The following HMCES variants were observed in gnomAD, a reference collection of about 807,000 sequenced individuals.
HMCES encodes abasic site processing protein HMCES.
HMCES carries 27 observed loss-of-function variants against 35.1 expected under a neutral mutation model. The ratio of observed to expected loss-of-function variants is 0.77; its 90% confidence interval spans 0.57 to 1.06. HMCES has a LOEUF of 1.06. Among genes scored for constraint, HMCES ranks in the 50% least tolerant of loss-of-function variants. The probability of loss-of-function intolerance (pLI) is 0.00; values close to 1 mark genes in which losing one functional copy is unlikely to be tolerated. For missense variants in HMCES, 391 were observed against 430.4 expected, an observed-to-expected ratio of 0.91 and a Z score of 0.81; for synonymous variants, 130 against 154.7, an observed-to-expected ratio of 0.84 and a Z score of 1.18.
intron 4 of HMCES, among the ~76,000 whole-genome samples, chr3:129,294,150 G>A (rs917457040): frequency 1.3e-5 from 2 of 152,062 alleles, no homozygotes; most frequent in Non-Finnish European, 2.9e-5. Flanking sequence ...CGGGCGCAGT[G>A]GCTTACAACT....
At chr3:129,288,515 C>T (rs368784803) in intron 2 of HMCES, among the ~76,000 whole-genome samples, 2 of 151,638 alleles carry the variant, frequency 1.3e-5, no homozygotes, top group Admixed American at 6.6e-5. Context: ...GGCAACATAG[C>T]GAAACCCCAT....
At chr3:129,297,518 C>T (rs952693983) in intron 4 of HMCES, among the ~76,000 whole-genome samples, 3 of 152,090 alleles carry the variant, frequency 2.0e-5, no homozygotes, top group African/African-American at 4.8e-5. Context: ...TTCCTCCAGG[C>T]TCCTGCCCTG....
Position 129,279,612 on chromosome 3 carries a change from A to T in HMCES, c.-23-98A>T. 1 of 1,217,342 alleles carries T rather than the reference A, an allele frequency of 8.2e-7. No individual in the cohort carries two copies. The highest frequency in any genetic ancestry group is 1.4e-5 in the South Asian group (1 of 73,076). The allele number at this position is 1,217,342 out of a possible 1,614,324, so 75.4% of individuals were successfully genotyped here. The stretch of plus-strand genomic sequence containing the variant: ...CTTTAGACGGTGGTCACGGAGGGGC[A>T]CGGCCCTGTGGGAACGGAAAGAGAA... On this transcript the variant is annotated intron_variant, in intron 1 of 6. Coordinates refer to ENST00000383463, the MANE Select transcript of HMCES (RefSeq NM_020187.3). The surrounding 1 kb of genome is among the most constrained non-coding windows in gnomAD (Gnocchi z 4.2).
chr3:129,300,417 G>C (rs563820448), intron 5 of HMCES, among the ~76,000 whole-genome samples: 1 of 152,092 alleles, frequency 6.6e-6, no homozygotes, highest in African/African-American at 2.4e-5. Context: ...AGTGGCATTG[G>C]AACAGATTTG....
At chr3:129,298,255 A>C in intron 4 of HMCES, 99 bp from the exon 5 acceptor site, 1 of 1,121,072 alleles carries the variant, frequency 8.9e-7, no homozygotes, top group Non-Finnish European at 1.3e-6. Flanking sequence ...AATTACTTTT[A>C]AAATGATTTC....
At chr3:129,290,890 TTTTA>T in intron 4 of HMCES, 86 bp downstream of exon 4, 6 of 1,329,320 alleles carry the variant, frequency 4.5e-6, no homozygotes, top group East Asian at 2.5e-5. Context: ...TTCCCCATAG[TTTTA>T]TTTATTTATT....
intron 4 of HMCES, among the ~76,000 whole-genome samples, chr3:129,293,583 T>A (rs1176477716): frequency 6.9e-6 from 1 of 145,736 alleles, no homozygotes; most frequent in Non-Finnish European, 1.5e-5. Context: ...TTTTTTTTTT[T>A]TTTTGAGACA....
chr3:129,287,234 T>G (rs1940662921), intron 2 of HMCES, among the ~76,000 whole-genome samples: 1 of 151,984 alleles, frequency 6.6e-6, no homozygotes, highest in African/African-American at 2.4e-5. Context: ...TTTGTTTTGT[T>G]TTTTTTGAGA....
At chr3:129,303,982 C>T (rs1431124490) in intron 6 of HMCES, among the ~76,000 whole-genome samples, 1 of 151,680 alleles carries the variant, frequency 6.6e-6, no homozygotes, top group Non-Finnish European at 1.5e-5. Flanking sequence ...TGGGCTCAAG[C>T]GATCTTCCCA....
intron 4 of HMCES, among the ~76,000 whole-genome samples, chr3:129,297,892 C>CT (rs1370515012): frequency 6.6e-6 from 1 of 152,154 alleles, no homozygotes; most frequent in East Asian, 1.9e-4. Context: ...TTCTTTCCAG[C>CT]TTTCTACATT....
At chr3:129,290,597 T>C in intron 3 of HMCES, 82 bp from the exon 4 acceptor site, 1 of 1,495,440 alleles carries the variant, frequency 6.7e-7, no homozygotes. Context: ...CCTCAGATTT[T>C]AATTCAAGTT....
chr3:129,305,168 T>TCC lies in HMCES; in HGVS notation c.*343_*344insCC. On this transcript the variant is annotated 3_prime_UTR_variant, in exon 7 of 7. Coordinates refer to ENST00000383463, the MANE Select transcript of HMCES (RefSeq NM_020187.3). ...ATCTGGTACTCCTTGTAGTAAGCTG[T>TCC]TTTCTGCTCAGCCACTGGGCTCTTT... 1 of 248,138 alleles carries TCC rather than the reference T, an allele frequency of 4.0e-6. No individual in the cohort carries two copies. Among genetic ancestry groups the TCC allele is most frequent in the Admixed American group, 5.0e-5 (1 of 19,838 alleles). The allele number at this position is 248,138 out of a possible 1,614,324, so 15.4% of individuals were successfully genotyped here. A position where few individuals can be genotyped will look rare whatever the true frequency, so the allele number is the denominator to read the frequency against.
In HMCES at chr3:129,279,864, G is replaced by C; in HGVS notation, c.132G>C (p.Lys44Asn). 6.2e-7 allele frequency: 1 copy of C among 1,610,842 alleles called. No individual in the cohort carries two copies. The change falls in exon 2 of 7, where the codon AAG becomes AAC. Residue 44 changes from lysine (K) to asparagine (N), a missense_variant. Lys to Asn is a moderately conservative substitution (Grantham distance 94). Transcript: ENST00000383463. This position sits in a 1 kb window ranked among gnomAD's most constrained non-coding sequence, Gnocchi z 4.2. The stretch of plus-strand genomic sequence containing the variant: ...ATAAGTACTGCCCCTCTTACAACAA[G>C]AGTCCTCAATCCAACAGCCCAGTGC... ...DPDKYCPSYN[K>N]SPQSNSPVLL... is the part of the protein sequence containing the mutation.
chr3:129,284,462 A>G (rs1940581477), intron 2 of HMCES, among the ~76,000 whole-genome samples: 1 of 152,218 alleles, frequency 6.6e-6, no homozygotes, highest in Non-Finnish European at 1.5e-5. Flanking sequence ...AAGGTCATAT[A>G]TTGATCAGTT....
At chr3:129,293,802 A>T (rs966569911) in intron 4 of HMCES, among the ~76,000 whole-genome samples, 7 of 151,978 alleles carry the variant, frequency 4.6e-5, no homozygotes, top group Admixed American at 3.9e-4. Flanking sequence ...TCCTGACCTC[A>T]GGTGATCCGC....
At chr3:129,289,638 G>A (rs1444119740) in intron 3 of HMCES, among the ~76,000 whole-genome samples, 1 of 151,972 alleles carries the variant, frequency 6.6e-6, no homozygotes, top group Non-Finnish European at 1.5e-5. Flanking sequence ...GCCTCCCAAA[G>A]TACTGGGATT....
At chr3:129,299,618 A>G (rs1480072942) in intron 5 of HMCES, among the ~76,000 whole-genome samples, 2 of 142,150 alleles carry the variant, frequency 1.4e-5, no homozygotes, top group East Asian at 4.2e-4. Flanking sequence ...CCTTATTTAT[A>G]TATTTTTTGT....
chr3:129,300,110 C>T (rs2071144261), intron 5 of HMCES, among the ~76,000 whole-genome samples: 1 of 150,840 alleles, frequency 6.6e-6, no homozygotes, highest in African/African-American at 2.4e-5. Flanking sequence ...CATGCATTGC[C>T]TACCATGTTT....
intron 2 of HMCES, among the ~76,000 whole-genome samples, 170 bp downstream of exon 2, chr3:129,280,085 A>G (rs188819072): frequency 2.4e-4 from 36 of 152,312 alleles, no homozygotes; most frequent in African/African-American, 8.4e-4. Flanking sequence ...AAGTTTTATC[A>G]GTGGCTTCTA....
Sources: allele counts gnomAD v4.1 joint callset (sites outside exome capture counted in the v4.1 genomes callset), GRCh38; gene constraint gnomAD v4.1.1; non-coding constraint Gnocchi (gnomAD v3.1); transcripts MANE v1.5; gene names NCBI Gene and HGNC (gene_info 2026-07-23, HGNC 2026-07-21).